Variants in KDM4C observed in about 807,000 individuals in gnomAD.
The protein encoded by KDM4C is lysine demethylase 4C, also known as lysine-specific demethylase 4C.
KDM4C carries 81 observed loss-of-function variants against 129.3 expected under a neutral mutation model. That is an observed-to-expected ratio of 0.63 (90% CI 0.52 to 0.75). The LOEUF (loss-of-function observed/expected upper bound fraction) is 0.75, where lower values mean the gene tolerates loss of function less well. KDM4C is among the 30% of genes least tolerant of loss of function. The pLI, the probability that KDM4C is intolerant of heterozygous loss-of-function variation, is 0.00. For missense variants in KDM4C, 1,457 were observed against 1,304.0 expected (o/e 1.12, Z -1.81); for synonymous variants, 573 against 456.1 (o/e 1.26, Z -3.26).
chr9:6,973,858 T>G (rs1265863562), intron 8 of KDM4C: 2 of 152,186 alleles, frequency 1.3e-5, no homozygotes, highest in African/African-American at 2.4e-5. Flanking sequence ...GATGCTGTGT[T>G]TATCTCATAT....
rs1340312422 is a variant in KDM4C at position 6,971,072 on chromosome 9, A to T, written c.922-9853A>T. On this transcript the variant is annotated intron_variant, in intron 8 of 21. Coordinates refer to ENST00000381309, the MANE Select transcript of KDM4C (RefSeq NM_015061.6). ...TTTTAAAAAGAAAAGATTTAAAAAA[A>T]TTTTTGTGCCAGTGGATGGATTGTA... 3.3e-5 allele frequency among the ~76,000 whole-genome samples: 5 copies of T among 152,198 alleles called. No individual in the cohort carries two copies. The East Asian group carries it at 7.7e-4, about 23-fold the overall frequency.
intron 1 of KDM4C, among the ~76,000 whole-genome samples, chr9:6,765,709 G>A (rs193016294): frequency 3.0e-4 from 45 of 152,176 alleles, no homozygotes; most frequent in African/African-American, 9.9e-4. Context: ...CTTACCCATC[G>A]TGACCCAACA....
intron 8 of KDM4C, among the ~76,000 whole-genome samples, chr9:6,895,947 G>A (rs900375230): frequency 6.6e-6 from 1 of 152,104 alleles, no homozygotes; most frequent in African/African-American, 2.4e-5. Context: ...ATAGTAAGCT[G>A]AGTTAGCATT....
intron 1 of KDM4C, among the ~76,000 whole-genome samples, chr9:6,747,646 C>A (rs762732593): frequency 2.0e-5 from 3 of 151,516 alleles, no homozygotes; most frequent in Admixed American, 6.6e-5. Flanking sequence ...TGAATGGGAA[C>A]GGAAAAGTCA....
At position 7,061,159 on chromosome 9, in the gene KDM4C, T is replaced by C. The variant is rs1831608290; in HGVS notation, c.2424+11959T>C. On this transcript the variant is annotated intron_variant, in intron 17 of 21. Coordinates refer to ENST00000381309, the MANE Select transcript of KDM4C (RefSeq NM_015061.6). ...TCAGTTGCACTATACAGATGTGTCC[T>C]TCTTCTCCCTCCAGTAGTGTTCCAT... 2.0e-5 allele frequency among the ~76,000 whole-genome samples: 3 copies of C among 152,336 alleles called. No homozygotes were observed. The South Asian group carries it at 6.2e-4, about 32-fold the overall frequency.
At chr9:7,096,004 G>A (rs1281697535) in intron 17 of KDM4C, among the ~76,000 whole-genome samples, 1 of 152,188 alleles carries the variant, frequency 6.6e-6, no homozygotes, top group Non-Finnish European at 1.5e-5. Context: ...CTATTTTGTG[G>A]TTTAGGAGGC....
In KDM4C at chr9:6,783,926, G is replaced by C. The variant is rs150680320; in HGVS notation, c.-17-9046G>C. 1.3e-3 allele frequency among the ~76,000 whole-genome samples: 198 copies of C among 152,248 alleles called. 1 individual carries two copies. The highest frequency in any genetic ancestry group is 4.6e-3 in the African/African-American group (192 of 41,526). On this transcript the variant is annotated intron_variant, in intron 1 of 21. Transcript: ENST00000381309. ...GTTGGGGTTTGTCTGTGAGAGGCTGGGGAGAGAAGGCTGTAGCTTGGGTGA... is the reference window on the plus strand; with the variant it reads ...GTTGGGGTTTGTCTGTGAGAGGCTGCGGAGAGAAGGCTGTAGCTTGGGTGA...
At chr9:6,855,323 G>A (rs1839605526) in intron 5 of KDM4C, among the ~76,000 whole-genome samples, 1 of 151,974 alleles carries the variant, frequency 6.6e-6, no homozygotes, top group Non-Finnish European at 1.5e-5. Flanking sequence ...GCTGGGCATG[G>A]TGGTGCATGA....
At chr9:7,024,301 T>TTA (rs1825406040) in intron 15 of KDM4C, among the ~76,000 whole-genome samples, 2 of 151,076 alleles carry the variant, frequency 1.3e-5, no homozygotes, top group East Asian at 1.9e-4. Flanking sequence ...TTTTTTTTTT[T>TTA]AATTTTCTTT....
At chr9:6,883,559 C>A (rs1419259469) in intron 6 of KDM4C, among the ~76,000 whole-genome samples, 1 of 152,142 alleles carries the variant, frequency 6.6e-6, no homozygotes, top group Admixed American at 6.5e-5. Context: ...CAGCCATGTT[C>A]CTAGTGGGAT....
At chr9:7,076,217 A>G (rs1394017006) in intron 17 of KDM4C, among the ~76,000 whole-genome samples, 1 of 152,240 alleles carries the variant, frequency 6.6e-6, no homozygotes, top group Non-Finnish European at 1.5e-5. Context: ...CTCTTGCGAT[A>G]CTTTATGCTA....
chr9:7,107,492 G>A (rs1449764229), intron 18 of KDM4C, among the ~76,000 whole-genome samples: 1 of 152,184 alleles, frequency 6.6e-6, no homozygotes, highest in East Asian at 1.9e-4. Flanking sequence ...TTTTTTCCTG[G>A]CAAGTTACTT....
intron 6 of KDM4C, among the ~76,000 whole-genome samples, chr9:6,886,059 A>AT (rs766395715): frequency 2.0e-5 from 3 of 152,208 alleles, no homozygotes; most frequent in Non-Finnish European, 2.9e-5. Flanking sequence ...TGATGGATCC[A>AT]TTTGAATTGT....
chr9:7,099,615 C>G (rs1164057252), intron 17 of KDM4C, among the ~76,000 whole-genome samples: 1 of 152,232 alleles, frequency 6.6e-6, no homozygotes, highest in Non-Finnish European at 1.5e-5. Flanking sequence ...AACCCTGTAG[C>G]CTCTTGGTTC....
chr9:6,797,387 A>G (rs1306046611), intron 2 of KDM4C, among the ~76,000 whole-genome samples: 1 of 152,210 alleles, frequency 6.6e-6, no homozygotes, highest in Non-Finnish European at 1.5e-5. Context: ...GCTTCAGATG[A>G]CAGTCTGTCT....
At chr9:6,899,650 G>T (rs993272252) in intron 8 of KDM4C, among the ~76,000 whole-genome samples, 1 of 151,902 alleles carries the variant, frequency 6.6e-6, no homozygotes, top group African/African-American at 2.4e-5. Context: ...GAGATATGAA[G>T]AACATAGTCA....
At chr9:7,088,171 C>T (rs934840577) in intron 17 of KDM4C, among the ~76,000 whole-genome samples, 5 of 152,208 alleles carry the variant, frequency 3.3e-5, no homozygotes, top group African/African-American at 1.2e-4. Context: ...CTTGCTTCTT[C>T]CTCCAGGCCT....
chr9:6,735,001 G>C lies in KDM4C; in HGVS notation c.49+14004G>C. ...ACCACACTCAAGTTGATAGGGTTTG[G>C]GTATTACTGCATTGCAGCTATTGTA... is the stretch of plus-strand genomic sequence containing the variant. On this transcript the variant is annotated intron_variant, in intron 1 of 17. Transcript: ENST00000536108. The C allele has an allele frequency of 2.0e-5, 11 of 542,294 alleles. 1 individual carries two copies. Among genetic ancestry groups the C allele is most frequent in the South Asian group, 1.6e-4 (11 of 69,158 alleles). 33.6% of individuals were successfully genotyped at this position (542,294 alleles called of 1,614,324 possible). A position where few individuals can be genotyped will look rare whatever the true frequency, so the allele number is the denominator to read the frequency against.
chr9:6,930,592 A>G (rs542483156), intron 8 of KDM4C, among the ~76,000 whole-genome samples: 2 of 144,670 alleles, frequency 1.4e-5, no homozygotes, highest in East Asian at 3.9e-4. Context: ...TTATATATTC[A>G]TATGTATATA....
Sources: allele counts gnomAD v4.1 joint callset (sites outside exome capture counted in the v4.1 genomes callset), GRCh38; gene constraint gnomAD v4.1.1; transcripts MANE v1.5; gene names NCBI Gene and HGNC (gene_info 2026-07-23, HGNC 2026-07-21).